HOOK3: variants seen among roughly 807,000 people sequenced by gnomAD.
HOOK3 encodes protein Hook homolog 3.
HOOK3 carries 24 observed loss-of-function variants against 116.3 expected under a neutral mutation model. The observed-to-expected ratio is 0.21, with a 90% CI of 0.15 to 0.29. HOOK3 has a LOEUF of 0.29. Among genes scored for constraint, HOOK3 ranks in the 10% least tolerant of loss-of-function variants. The pLI is 1.00. For synonymous variants in HOOK3, 275 were observed against 283.0 expected (o/e 0.97, Z 0.28); for missense variants, 632 against 830.2 (o/e 0.76, Z 2.93).
intron 3 of HOOK3, among the ~76,000 whole-genome samples, chr8:42,928,152 G>A (rs1245055925): frequency 1.3e-5 from 2 of 152,098 alleles, no homozygotes; most frequent in Non-Finnish European, 2.9e-5. Context: ...GGTGTTGCAC[G>A]CCTATAGTCC....
Position 42,973,150 on chromosome 8 carries a change from C to T in HOOK3, c.1123-139C>T, listed in dbSNP as rs945413353. On this transcript the variant is annotated intron_variant, in intron 11 of 21. Transcript: ENST00000307602. ...GGCAGGTTTTTATTCCTAGTTCTCT[C>T]CACTGTGTTAGACTGCTGGATCATA... 5.8e-5 allele frequency: 48 copies of T among 829,066 alleles called. No homozygotes were observed. The African/African-American group carries it at 7.9e-4, about 14-fold the overall frequency. 51.4% of individuals were successfully genotyped at this position (829,066 alleles called of 1,614,324 possible).
chr8:42,963,511 T>C (rs1481546141), intron 8 of HOOK3, among the ~76,000 whole-genome samples: 1 of 152,270 alleles, frequency 6.6e-6, no homozygotes, highest in Non-Finnish European at 1.5e-5. Flanking sequence ...TATGCTTTTA[T>C]TTCTCTGAGT....
intron 4 of HOOK3, among the ~76,000 whole-genome samples, chr8:42,936,744 TTGA>T (rs1215165210): frequency 3.3e-5 from 5 of 152,344 alleles, no homozygotes; most frequent in African/African-American, 7.2e-5. Context: ...TGAAGCCAAC[TTGA>T]TGGTGGTGGA....
At chr8:42,916,911 G>GT (rs1807544350) in intron 2 of HOOK3, among the ~76,000 whole-genome samples, 1 of 152,034 alleles carries the variant, frequency 6.6e-6, no homozygotes, top group Admixed American at 6.6e-5. Flanking sequence ...TCTTTAAATC[G>GT]TATTTTGTGC....
rs559518576 is a variant in HOOK3, at chr8:43,002,071, G to T, written c.1621-36G>T. On this transcript the variant is annotated intron_variant, in intron 16 of 21. Transcript: ENST00000307602. ...AAGAAAATACTATTTTAGTTAAAAT[G>T]TGAGGTAATAAACTAATTTTGTTTT... 1.2e-5 allele frequency: 16 copies of T among 1,314,544 alleles called. No homozygotes were observed. In the East Asian group the frequency reaches 2.8e-4, roughly 23 times the overall value. The allele number at this position is 1,314,544 out of a possible 1,614,324, so 81.4% of individuals were successfully genotyped here.
intron 4 of HOOK3, among the ~76,000 whole-genome samples, chr8:42,936,537 A>G (rs1807975241): frequency 6.6e-6 from 1 of 152,182 alleles, no homozygotes; most frequent in African/African-American, 2.4e-5. Context: ...TGTCATAAGT[A>G]GCTGTTACTA....
chr8:42,990,385 G>A (rs138843883), intron 15 of HOOK3, among the ~76,000 whole-genome samples: 2 of 116,906 alleles, frequency 1.7e-5, no homozygotes, highest in East Asian at 5.3e-4. Context: ...CCTTCACCCA[G>A]GCTGGAATGC....
chr8:42,909,475 A>G (rs1807380282), intron 2 of HOOK3, among the ~76,000 whole-genome samples: 1 of 152,202 alleles, frequency 6.6e-6, no homozygotes, highest in Admixed American at 6.5e-5. Flanking sequence ...TTATTAATTG[A>G]TTGATCGAGA....
At chr8:42,949,809 C>T (rs1013395354) in intron 5 of HOOK3, among the ~76,000 whole-genome samples, 48 of 151,402 alleles carry the variant, frequency 3.2e-4, no homozygotes, top group African/African-American at 1.9e-4. Context: ...CCCAGCTACT[C>T]GGGAGGCTGA....
At chr8:42,918,341 C>CA (rs1362796214) in intron 2 of HOOK3, among the ~76,000 whole-genome samples, 13 of 150,430 alleles carry the variant, frequency 8.6e-5, no homozygotes, top group East Asian at 3.9e-4. Context: ...TTCTCTCTCT[C>CA]AAAAAAAAGA....
intron 16 of HOOK3, among the ~76,000 whole-genome samples, chr8:42,998,814 T>C (rs374989393): frequency 6.6e-6 from 1 of 152,354 alleles, no homozygotes. Context: ...CTTATGCCCT[T>C]ATTAAAATTT....
chr8:42,905,341 G>T, intron 1 of HOOK3, among the ~76,000 whole-genome samples: 1 of 137,300 alleles, frequency 7.3e-6, no homozygotes, highest in Non-Finnish European at 1.5e-5. Context: ...GGGGGGTGCC[G>T]TGGTGGAGGG....
chr8:42,906,153 C>CA lies in HOOK3; in HGVS notation c.58-20_58-19insA. On this transcript the variant is annotated intron_variant, in intron 1 of 21. Coordinates refer to ENST00000307602, the MANE Select transcript of HOOK3 (RefSeq NM_032410.4). ...GGTAACCACAGAATCTCTCCCCCCCCCCTCTTTTTTTCCCTTCAGATCCAG... is the reference window on the plus strand; with the variant it reads ...GGTAACCACAGAATCTCTCCCCCCCCACCTCTTTTTTTCCCTTCAGATCCAG... The CA allele has an allele frequency of 9.0e-7, 1 of 1,112,704 alleles. No homozygotes were observed. Among genetic ancestry groups the CA allele is most frequent in the Admixed American group, 1.8e-5 (1 of 55,868 alleles). 68.9% of individuals were successfully genotyped at this position (1,112,704 alleles called of 1,614,324 possible). A position where few individuals can be genotyped will look rare whatever the true frequency, so the allele number is the denominator to read the frequency against.
At chr8:43,000,449 G>A (rs886891125) in intron 16 of HOOK3, among the ~76,000 whole-genome samples, 3 of 152,090 alleles carry the variant, frequency 2.0e-5, no homozygotes, top group South Asian at 2.1e-4. Context: ...AAAGGATATC[G>A]AGCTCTTAAA....
chr8:42,946,254 C>T lies in HOOK3; in HGVS notation c.400+2809C>T, dbSNP rs868250581. Among the ~76,000 whole-genome samples the T allele has an allele frequency of 1.7e-4, 26 of 152,232 alleles. 1 individual carries two copies. Among genetic ancestry groups the T allele is most frequent in the African/African-American group, 5.3e-4 (22 of 41,544 alleles). ...GAACGCAGAGGTGAGTGTTCCTCAG[C>T]TGCAGCTTAAAGGGGGACAGCCTGG... On this transcript the variant is annotated intron_variant, in intron 5 of 21. Transcript: ENST00000307602.
intron 2 of HOOK3, 101 bp downstream of exon 2, chr8:42,906,359 G>C (rs1807311149): frequency 6.1e-6 from 5 of 814,730 alleles, no homozygotes; most frequent in Non-Finnish European, 1.0e-5. Context: ...CGTGTGTAGA[G>C]TAAGAGTTGT....
chr8:42,926,989 T>C lies in HOOK3; in HGVS notation c.216+1360T>C, dbSNP rs377582133. On this transcript the variant is annotated intron_variant, in intron 3 of 21. Coordinates refer to ENST00000307602, the MANE Select transcript of HOOK3 (RefSeq NM_032410.4). Reference sequence around the variant, plus strand: ...AAATTGATTGTTTTGACCCAGTGATTGTCATTTCTGGCAGTGTGGAGAAAC... The same window carrying C: ...AAATTGATTGTTTTGACCCAGTGATCGTCATTTCTGGCAGTGTGGAGAAAC... 7.9e-5 allele frequency among the ~76,000 whole-genome samples: 12 copies of C among 152,322 alleles called. 1 individual carries two copies. The highest frequency in any genetic ancestry group is 2.9e-4 in the African/African-American group (12 of 41,588).
intron 4 of HOOK3, among the ~76,000 whole-genome samples, chr8:42,942,861 AT>A (rs2130385128): frequency 6.6e-6 from 1 of 152,304 alleles, no homozygotes; most frequent in African/African-American, 2.4e-5. Context: ...GTATAAAGAA[AT>A]TTCATGCTCC....
intron 11 of HOOK3, 74 bp downstream of exon 11, chr8:42,968,288 C>G (rs1586614142): frequency 9.7e-7 from 1 of 1,035,350 alleles, no homozygotes; most frequent in Non-Finnish European, 1.5e-6. Context: ...ACCAAAATTA[C>G]TAATTTGTTT....
Sources: gnomAD v4.1 joint callset for allele counts (sites outside exome capture counted in the v4.1 genomes callset) on GRCh38, gnomAD v4.1.1 for gene constraint, MANE v1.5 for transcripts, NCBI Gene and HGNC (gene_info 2026-07-23, HGNC 2026-07-21) for gene names.